The following AQR variants were observed in gnomAD, a reference collection of about 807,000 sequenced individuals.
AQR encodes the protein RNA helicase aquarius.
A neutral mutation model predicts 180.5 loss-of-function variants in AQR; 61 were observed. The observed-to-expected ratio is 0.34, with a 90% CI of 0.28 to 0.42. The LOEUF is 0.42. AQR is among the 10% of genes least tolerant of loss of function. AQR has a pLI of 1.00. For synonymous variants in AQR, 551 were observed against 588.8 expected, an observed-to-expected ratio of 0.94 and a Z score of 0.93; for missense variants, 1,281 against 1,798.3, an observed-to-expected ratio of 0.71 and a Z score of 5.20.
intron 33 of AQR, among the ~76,000 whole-genome samples, chr15:34,861,739 T>C (rs1437277055): frequency 6.6e-6 from 1 of 152,172 alleles, no homozygotes; most frequent in Non-Finnish European, 1.5e-5. Flanking sequence ...TATGTGACCC[T>C]ACCACCCCAT....
chr15:34,910,331 G>C lies in AQR; in HGVS notation c.1485-18C>G. On this transcript the variant is annotated intron_variant, in intron 16 of 34. Coordinates refer to ENST00000156471, the MANE Select transcript of AQR (RefSeq NM_014691.3). ...CAGATTGCCTGAAACCAAAGAAATG[G>C]ATGATTACTCAAACAAAAAATAATT... is the stretch of plus-strand genomic sequence containing the variant. 3.7e-6 allele frequency: 6 copies of C among 1,606,540 alleles called. No individual in the cohort carries two copies. The highest frequency in any genetic ancestry group is 5.1e-6 in the Non-Finnish European group (6 of 1,174,108).
chr15:34,862,116 A>T (rs952237759), intron 33 of AQR, among the ~76,000 whole-genome samples: 3 of 152,170 alleles, frequency 2.0e-5, no homozygotes, highest in African/African-American at 7.2e-5. Context: ...GGAAAAGGGG[A>T]GAAAGAAGGG....
intron 3 of AQR, among the ~76,000 whole-genome samples, chr15:34,956,182 A>G (rs1894313150): frequency 6.6e-6 from 1 of 152,150 alleles, no homozygotes; most frequent in Non-Finnish European, 1.5e-5. Context: ...TTTCATAATA[A>G]AAGAGTCCAT....
At chr15:34,885,469 ATAGGAACAAGGGC>A (rs1893045385) in intron 25 of AQR, among the ~76,000 whole-genome samples, 2 of 152,212 alleles carry the variant, frequency 1.3e-5, no homozygotes, top group African/African-American at 4.8e-5. Flanking sequence ...ATGAGAAGCT[ATAGGAACAAGGGC>A]TAGGGAATTT....
intron 17 of AQR, among the ~76,000 whole-genome samples, chr15:34,907,079 T>C (rs1893429586): frequency 6.6e-6 from 1 of 152,200 alleles, no homozygotes; most frequent in Non-Finnish European, 1.5e-5. Flanking sequence ...AATCCATCTA[T>C]AGCATATTTA....
intron 6 of AQR, among the ~76,000 whole-genome samples, chr15:34,942,756 G>C (rs9806284): frequency 6.6e-6 from 1 of 152,206 alleles, no homozygotes; most frequent in East Asian, 1.9e-4. Context: ...AAAATGTCAT[G>C]ACCAAGGCTT....
At chr15:34,950,772 G>A (rs1894217500) in intron 4 of AQR, among the ~76,000 whole-genome samples, 2 of 152,134 alleles carry the variant, frequency 1.3e-5, no homozygotes, top group Non-Finnish European at 2.9e-5. Flanking sequence ...TAATTTGGGA[G>A]TATAAACTCA....
At chr15:34,891,474 A>C (rs184362853) in intron 23 of AQR, among the ~76,000 whole-genome samples, 23 of 152,332 alleles carry the variant, frequency 1.5e-4, no homozygotes, top group Non-Finnish European at 2.6e-4. Flanking sequence ...AAGGAAAACA[A>C]TCAATTCGAT....
In AQR at chr15:34,896,959, T is replaced by C; in HGVS notation, c.2398A>G (p.Ile800Val). ...YPYNQPKRNTIQFTHTQIEAI... is the reference protein window; with the variant it reads ...YPYNQPKRNTVQFTHTQIEAI... ...TCTATCTGTGTATGAGTGAACTGAA[T>C]CGTATTACTGCAAATAAGAGTAAAT... Residue 800 changes from isoleucine to valine, a missense_variant, in exon 22 of 35, where the codon ATT (isoleucine) becomes GTT (valine). This residue lies in a region of AQR where 112 missense variants were observed against 128.6 expected (regional missense o/e 0.87). Transcript: ENST00000156471. 2 of 1,612,038 alleles carry C rather than the reference T, an allele frequency of 1.2e-6. No individual in the cohort carries two copies. The highest frequency in any genetic ancestry group is 4.5e-5 in the East Asian group (2 of 44,878).
chr15:34,941,909 GTA>G, intron 7 of AQR, 101 bp downstream of exon 7: 1 of 777,308 alleles, frequency 1.3e-6, no homozygotes, highest in Non-Finnish European at 1.9e-6. Flanking sequence ...AAGAAAAGGG[GTA>G]TTTAGCTACC....
chr15:34,966,556 C>T (rs925241872), intron 1 of AQR, among the ~76,000 whole-genome samples: 1 of 152,222 alleles, frequency 6.6e-6, no homozygotes, highest in Non-Finnish European at 1.5e-5. Flanking sequence ...ACAGTGAGTT[C>T]TTTAAGTCTC....
At chr15:34,914,728 C>A (rs544854302) in intron 16 of AQR, among the ~76,000 whole-genome samples, 1 of 152,162 alleles carries the variant, frequency 6.6e-6, no homozygotes, top group Non-Finnish European at 1.5e-5. Context: ...GCCTTCCAAT[C>A]GGCCTTTAAG....
In AQR at chr15:34,854,063, G is replaced by C. The variant is rs745741816; in HGVS notation, c.*2729C>G. ...TTATTACACCAACTTTGGGAGTCTT[G>C]ATGATGTTTAAATCTTCTCATTCAT... On this transcript the variant is annotated 3_prime_UTR_variant, in exon 35 of 35. Transcript: ENST00000156471. 9 of 149,190 alleles carry C rather than the reference G, an allele frequency of 6.0e-5. No individual in the cohort carries two copies. Among genetic ancestry groups the C allele is most frequent in the Non-Finnish European group, 8.9e-5 (6 of 67,612 alleles). 9.2% of individuals were successfully genotyped at this position (149,190 alleles called of 1,614,324 possible).
At chr15:34,925,137 T>A (rs1487826962) in intron 13 of AQR, among the ~76,000 whole-genome samples, 1 of 151,802 alleles carries the variant, frequency 6.6e-6, no homozygotes, top group Non-Finnish European at 1.5e-5. Context: ...GACAAAGGGA[T>A]TAGGACCAAA....
At position 34,960,697 on chromosome 15, in the gene AQR, A is replaced by G. The variant is rs548318467; in HGVS notation, c.173+77T>C. ...AAACAGAAAAAGGGTTCAAGTTATG[A>G]TCACATTTAGAAGTTCAGCCAAGAT... On this transcript the variant is annotated intron_variant, in intron 3 of 34. Transcript: ENST00000156471. 8 of 647,000 alleles carry G rather than the reference A, an allele frequency of 1.2e-5. No individual in the cohort carries two copies. The South Asian group carries it at 1.4e-4, about 12-fold the overall frequency. 40.1% of individuals were successfully genotyped at this position (647,000 alleles called of 1,614,324 possible). A position where few individuals can be genotyped will look rare whatever the true frequency, so the allele number is the denominator to read the frequency against.
At chr15:34,862,458 T>C (rs1338811462) in intron 33 of AQR, among the ~76,000 whole-genome samples, 1 of 152,224 alleles carries the variant, frequency 6.6e-6, no homozygotes, top group Non-Finnish European at 1.5e-5. Context: ...AATAACCTAA[T>C]AGGCTGTTTT....
At chr15:34,968,992 C>A (rs746459890) in intron 1 of AQR, among the ~76,000 whole-genome samples, 5 of 152,192 alleles carry the variant, frequency 3.3e-5, no homozygotes, top group Admixed American at 6.5e-5. Context: ...CCAAAGCCAA[C>A]TGTGGCTCAC....
chr15:34,858,150 A>G (rs549175124), intron 34 of AQR, among the ~76,000 whole-genome samples: 2 of 151,818 alleles, frequency 1.3e-5, no homozygotes, highest in East Asian at 3.9e-4. Flanking sequence ...TGCCTGGCTA[A>G]TTTTTGTATT....
At chr15:34,860,188 A>G in intron 33 of AQR, 33 bp from the exon 34 acceptor site, 1 of 1,189,310 alleles carries the variant, frequency 8.4e-7, no homozygotes, top group Non-Finnish European at 1.2e-6. Flanking sequence ...TTAAGTATCT[A>G]GTAAAACAAC....
Sources: allele counts gnomAD v4.1 joint callset (sites outside exome capture counted in the v4.1 genomes callset), GRCh38; gene constraint gnomAD v4.1.1; regional missense constraint gnomAD v4.1.1; transcripts MANE v1.5; gene names NCBI Gene and HGNC (gene_info 2026-07-23, HGNC 2026-07-21).